SAR1B: variants seen among roughly 807,000 people sequenced by gnomAD.
The protein encoded by SAR1B is secretion associated Ras related GTPase 1B.
A neutral mutation model predicts 26.8 loss-of-function variants in SAR1B; 23 were observed. The observed-to-expected ratio is 0.86, with a 90% CI of 0.62 to 1.22. The LOEUF is 1.22. Among genes scored for constraint, SAR1B ranks in the 50% most tolerant of loss-of-function variants. The probability of loss-of-function intolerance (pLI) is 0.00; values close to 1 mark genes in which losing one functional copy is unlikely to be tolerated. For synonymous variants in SAR1B, 65 were observed against 80.8 expected (o/e 0.80, Z 1.05); for missense variants, 196 against 232.8 (o/e 0.84, Z 1.03).
At chr5:134,627,524 C>T (rs941153951) in intron 1 of SAR1B, among the ~76,000 whole-genome samples, 4 of 150,548 alleles carry the variant, frequency 2.7e-5, no homozygotes, top group East Asian at 2.0e-4. Context: ...ACCGGCCGGG[C>T]GTGGTGGCTC....
chr5:134,616,700 C>T (rs570150687), intron 3 of SAR1B, among the ~76,000 whole-genome samples: 4 of 152,248 alleles, frequency 2.6e-5, no homozygotes, highest in East Asian at 3.9e-4. Flanking sequence ...TTTTCATCTC[C>T]GGAAGCAACC....
chr5:134,622,603 G>T (rs2150054699), intron 2 of SAR1B, among the ~76,000 whole-genome samples: 1 of 150,718 alleles, frequency 6.6e-6, no homozygotes, highest in East Asian at 2.0e-4. Flanking sequence ...GTAGAGACGG[G>T]GTTTCACCGT....
chr5:134,626,186 C>T (rs1765489582), intron 1 of SAR1B, among the ~76,000 whole-genome samples: 1 of 150,786 alleles, frequency 6.6e-6, no homozygotes, highest in Non-Finnish European at 1.5e-5. Context: ...GTAATCCCAG[C>T]TACCCAGGAG....
At chr5:134,629,329 T>TG (rs1765558110) in intron 1 of SAR1B, among the ~76,000 whole-genome samples, 4 of 144,780 alleles carry the variant, frequency 2.8e-5, no homozygotes, top group Non-Finnish European at 3.0e-5. Flanking sequence ...GAGGCCGAGG[T>TG]GGGGGGATCA....
chr5:134,629,193 G>T (rs907958217), intron 1 of SAR1B, among the ~76,000 whole-genome samples: 12 of 152,002 alleles, frequency 7.9e-5, no homozygotes, highest in African/African-American at 2.4e-4. Context: ...AGGCCAAGGT[G>T]GGGGGATCAC....
chr5:134,619,723 G>A (rs1384519010), intron 3 of SAR1B, among the ~76,000 whole-genome samples: 4 of 152,058 alleles, frequency 2.6e-5, no homozygotes, highest in Admixed American at 6.6e-5. Context: ...TAATTCTGTG[G>A]TGTACATTAG....
At chr5:134,617,904 C>T (rs957626015) in intron 3 of SAR1B, among the ~76,000 whole-genome samples, 2 of 152,006 alleles carry the variant, frequency 1.3e-5, no homozygotes, top group African/African-American at 4.8e-5. Flanking sequence ...TTGGAAATTA[C>T]GCTGTTTTTG....
Position 134,603,718 on chromosome 5 carries a change from G to A in SAR1B, c.*3232C>T, listed in dbSNP as rs1580643258. ...GGAGGCTGAGGCAGGAGAATCACTT[G>A]AACCCCGGAGGTGGAGGTTGCAGTA... On this transcript the variant is annotated 3_prime_UTR_variant, in exon 7 of 7. Transcript: ENST00000402673. 6.6e-6 allele frequency: 1 copy of A among 152,334 alleles called. No homozygotes were observed. The highest frequency in any genetic ancestry group is 1.5e-5 in the Non-Finnish European group (1 of 68,078). The allele number at this position is 152,334 out of a possible 1,614,324, so 9.4% of individuals were successfully genotyped here. A position where few individuals can be genotyped will look rare whatever the true frequency, so the allele number is the denominator to read the frequency against.
chr5:134,605,097 T>TC lies in SAR1B; in HGVS notation c.*1852_*1853insG, dbSNP rs1765105340. On this transcript the variant is annotated 3_prime_UTR_variant, in exon 7 of 7. Transcript: ENST00000402673. ...CAGATTACTGAAACCAAATGTCATC[T>TC]TAAGAAGCGACCTTGTCAGCTTAGC... is the stretch of plus-strand genomic sequence containing the variant. 6.6e-6 allele frequency: 1 copy of TC among 152,222 alleles called. No homozygotes were observed. The highest frequency in any genetic ancestry group is 1.5e-5 in the Non-Finnish European group (1 of 68,028). The allele number at this position is 152,222 out of a possible 1,614,324, so 9.4% of individuals were successfully genotyped here. A position where few individuals can be genotyped will look rare whatever the true frequency, so the allele number is the denominator to read the frequency against.
At chr5:134,619,930 A>G (rs1159843470) in intron 3 of SAR1B, among the ~76,000 whole-genome samples, 1 of 151,974 alleles carries the variant, frequency 6.6e-6, no homozygotes, top group Non-Finnish European at 1.5e-5. Context: ...ATGGTGCGCT[A>G]TGATCATACC....
chr5:134,610,414 A>T (rs189868952), intron 4 of SAR1B, among the ~76,000 whole-genome samples: 21 of 151,892 alleles, frequency 1.4e-4, no homozygotes, highest in Non-Finnish European at 1.5e-5. Flanking sequence ...TTGGAGACCA[A>T]CCTGGCCAAC....
chr5:134,630,901 T>TC (rs1765593052), intron 1 of SAR1B, among the ~76,000 whole-genome samples: 1 of 142,014 alleles, frequency 7.0e-6, no homozygotes, highest in Non-Finnish European at 1.5e-5. Context: ...TTTTTTTTTT[T>TC]TTTTTTTTTT....
intron 1 of SAR1B, among the ~76,000 whole-genome samples, chr5:134,627,199 C>T (rs1765507534): frequency 1.3e-5 from 2 of 151,944 alleles, no homozygotes; most frequent in Non-Finnish European, 2.9e-5. Context: ...CTACAGGAGC[C>T]TGCCACCACG....
intron 1 of SAR1B, among the ~76,000 whole-genome samples, chr5:134,631,160 G>A (rs1375748445): frequency 6.6e-6 from 1 of 150,794 alleles, no homozygotes; most frequent in Non-Finnish European, 1.5e-5. Flanking sequence ...CTTAATTCTT[G>A]CTTGAATTTC....
chr5:134,609,550 A>T, intron 5 of SAR1B, 21 bp downstream of exon 5: 1 of 1,576,762 alleles, frequency 6.3e-7, no homozygotes, highest in Non-Finnish European at 8.7e-7. Context: ...GACTATATTT[A>T]GTTTCAGTTA....
intron 3 of SAR1B, chr5:134,613,498 T>C (rs1217724473): frequency 6.6e-6 from 1 of 152,260 alleles, no homozygotes; most frequent in African/African-American, 2.4e-5. Context: ...TGTAATTAGA[T>C]ATACACCAAT....
intron 2 of SAR1B, among the ~76,000 whole-genome samples, chr5:134,623,431 C>A (rs1212913255): frequency 1.3e-5 from 2 of 150,382 alleles, no homozygotes; most frequent in African/African-American, 4.9e-5. Flanking sequence ...CAGAGCGAGA[C>A]TCCATCTCAG....
chr5:134,612,677 A>AAAAAAAAAAT lies in SAR1B; in HGVS notation c.244+13_244+14insATTTTTTTTT. The AAAAAAAAAAT allele has an allele frequency of 9.5e-7, 1 of 1,055,540 alleles. No individual in the cohort carries two copies. Among genetic ancestry groups the AAAAAAAAAAT allele is most frequent in the Non-Finnish European group, 1.3e-6 (1 of 762,972 alleles). The allele number at this position is 1,055,540 out of a possible 1,614,324, so 65.4% of individuals were successfully genotyped here. ...AAAAAAAAAAAAAAAAAAAAAAAAA[A>AAAAAAAAAAT]AAAAGAATCTTACCTTGAACATGTC... On this transcript the variant is annotated intron_variant, in intron 4 of 6. Transcript: ENST00000402673.
chr5:134,616,833 G>C (rs1043389945), intron 3 of SAR1B, among the ~76,000 whole-genome samples: 2 of 152,232 alleles, frequency 1.3e-5, no homozygotes, highest in Non-Finnish European at 2.9e-5. Flanking sequence ...ATGACTGAAT[G>C]TATCAGTGGT....
Sources: allele counts gnomAD v4.1 joint callset (sites outside exome capture counted in the v4.1 genomes callset), GRCh38; gene constraint gnomAD v4.1.1; transcripts MANE v1.5; gene names NCBI Gene and HGNC (gene_info 2026-07-23, HGNC 2026-07-21).